SLC30A10: variants seen among roughly 807,000 people sequenced by gnomAD.
The protein encoded by SLC30A10 is calcium/manganese antiporter SLC30A10.
A neutral mutation model predicts 21.7 loss-of-function variants in SLC30A10; 8 were observed. That is an observed-to-expected ratio of 0.37 (90% CI 0.22 to 0.67). SLC30A10 has a LOEUF of 0.67. Ranked by LOEUF, SLC30A10 falls within the 30% of genes least tolerant of loss-of-function variation. SLC30A10 has a pLI of 0.58. For missense variants in SLC30A10, 521 were observed against 642.5 expected, an observed-to-expected ratio of 0.81 and a Z score of 2.04; for synonymous variants, 272 against 279.4, an observed-to-expected ratio of 0.97 and a Z score of 0.26.
At chr1:219,923,456 G>GAA (rs1046392214) in intron 2 of SLC30A10, among the ~76,000 whole-genome samples, 2 of 152,186 alleles carry the variant, frequency 1.3e-5, no homozygotes, top group African/African-American at 4.8e-5. Flanking sequence ...TGAATTTGTT[G>GAA]AATGACTGGA....
chr1:219,916,975 T>TC (rs1659560142), intron 3 of SLC30A10, among the ~76,000 whole-genome samples: 1 of 149,758 alleles, frequency 6.7e-6, no homozygotes, highest in Non-Finnish European at 1.5e-5. Flanking sequence ...GGGGTTTTTT[T>TC]TTTTTTTTTT....
upstream of SLC30A10, chr1:219,928,688 T>G: frequency 2.4e-5 from 10 of 418,584 alleles, no homozygotes; most frequent in Non-Finnish European, 3.7e-5. The surrounding 1 kb of genome is among the most constrained non-coding windows in gnomAD (Gnocchi z 6.3). Context: ...CGCGGCCCTT[T>G]TCCCCTCCCT....
At chr1:219,933,766 T>C (rs940884623) in intron 1 of SLC30A10, among the ~76,000 whole-genome samples, 2 of 152,206 alleles carry the variant, frequency 1.3e-5, no homozygotes, top group Admixed American at 6.5e-5. Context: ...TTAGAGAAAA[T>C]ACACATTTAA....
intron 1 of SLC30A10, among the ~76,000 whole-genome samples, chr1:219,946,941 AT>A (rs1346678387): frequency 2.6e-5 from 4 of 152,160 alleles, no homozygotes; most frequent in African/African-American, 9.7e-5. Flanking sequence ...AGTCCCAACA[AT>A]GTGCTCAACT....
At chr1:219,950,205 T>C (rs879913878) in intron 1 of SLC30A10, among the ~76,000 whole-genome samples, 6 of 152,252 alleles carry the variant, frequency 3.9e-5, no homozygotes, top group Admixed American at 3.9e-4. Context: ...ACATTTGCAT[T>C]ATTTCAATGA....
At chr1:219,947,572 A>G (rs1328864242) in intron 1 of SLC30A10, among the ~76,000 whole-genome samples, 1 of 152,132 alleles carries the variant, frequency 6.6e-6, no homozygotes, top group Non-Finnish European at 1.5e-5. Flanking sequence ...AAAGACACCT[A>G]TTCAGGTGCA....
chr1:219,916,205 G>A (rs1269222964), intron 3 of SLC30A10, among the ~76,000 whole-genome samples: 1 of 152,304 alleles, frequency 6.6e-6, no homozygotes, highest in East Asian at 1.9e-4. Flanking sequence ...GGGTTGCTGA[G>A]TATACAAGGG....
At chr1:219,945,055 GA>G (rs1319066329) in intron 1 of SLC30A10, among the ~76,000 whole-genome samples, 1 of 151,896 alleles carries the variant, frequency 6.6e-6, no homozygotes, top group Non-Finnish European at 1.5e-5. Flanking sequence ...TATGCTGAAA[GA>G]AAAAAAGCCC....
chr1:219,947,456 C>G (rs1274026637), intron 1 of SLC30A10, among the ~76,000 whole-genome samples: 1 of 152,098 alleles, frequency 6.6e-6, no homozygotes, highest in African/African-American at 2.4e-5. Context: ...TCGCTTGAGC[C>G]TGGGAGGTTG....
rs763971239 is a variant in SLC30A10 at position 219,927,868 on chromosome 1, T to C, written c.573A>G (p.Val191=). 7 of 1,545,012 alleles carry C rather than the reference T, an allele frequency of 4.5e-6. No individual in the cohort carries two copies. The South Asian group carries it at 8.4e-5, about 18-fold the overall frequency. The part of the protein sequence containing the change: ...DPTAPGSDSA[V]TLRGTSVERK... ...TTTCCACCGAGGTCCCCCGGAGGGTTACGGCCGAGTCCGAGCCTGGGGCTG... is the reference window on the plus strand; with the variant it reads ...TTTCCACCGAGGTCCCCCGGAGGGTCACGGCCGAGTCCGAGCCTGGGGCTG... Residue 191 remains valine, a synonymous_variant, in exon 1 of 4, where the codon GTA becomes GTG. Coordinates refer to ENST00000366926, the MANE Select transcript of SLC30A10 (RefSeq NM_018713.3).
At chr1:219,920,759 C>A (rs1359601915) in intron 2 of SLC30A10, among the ~76,000 whole-genome samples, 2 of 152,226 alleles carry the variant, frequency 1.3e-5, no homozygotes, top group African/African-American at 4.8e-5. Context: ...GCTGTTGGAA[C>A]TCAAAAGTAT....
chr1:219,940,794 G>A (rs1026972673), intron 1 of SLC30A10, among the ~76,000 whole-genome samples: 5 of 152,184 alleles, frequency 3.3e-5, no homozygotes, highest in African/African-American at 1.2e-4. Context: ...GACAATAATA[G>A]TTTGAGTCCA....
At chr1:219,949,170 T>A (rs1290946760) in intron 1 of SLC30A10, among the ~76,000 whole-genome samples, 1 of 152,232 alleles carries the variant, frequency 6.6e-6, no homozygotes, top group Non-Finnish European at 1.5e-5. Flanking sequence ...GACTGTAAAC[T>A]AGTTCAACCC....
chr1:219,955,467 T>C (rs963878392), intron 1 of SLC30A10, among the ~76,000 whole-genome samples: 7 of 152,174 alleles, frequency 4.6e-5, no homozygotes, highest in Non-Finnish European at 8.8e-5. Context: ...TCGCAGGTTT[T>C]AAAAATTTTC....
intron 1 of SLC30A10, among the ~76,000 whole-genome samples, chr1:219,939,641 G>C (rs1660092582): frequency 6.6e-6 from 1 of 152,130 alleles, no homozygotes; most frequent in South Asian, 2.1e-4. Flanking sequence ...TCTTGGCCAG[G>C]CTGGTCTTGA....
rs1283372598 is a variant in SLC30A10, at chr1:219,910,888, T to A, written c.*4561A>T. Among the ~76,000 whole-genome samples the A allele has an allele frequency of 6.6e-6, 1 of 152,188 alleles. No homozygotes were observed. Among genetic ancestry groups the A allele is most frequent in the Non-Finnish European group, 1.5e-5 (1 of 68,024 alleles). ...AGCACCAGAAAATGACTCGTCTGCA[T>A]TATCTAAACTCCAGATGGGTAAGAA... On this transcript the variant is annotated 3_prime_UTR_variant, in exon 4 of 4. Transcript: ENST00000366926.
intron 3 of SLC30A10, among the ~76,000 whole-genome samples, chr1:219,916,423 A>G (rs1281737655): frequency 6.6e-6 from 1 of 152,262 alleles, no homozygotes; most frequent in Admixed American, 6.5e-5. Flanking sequence ...ACCAACAAGG[A>G]AATAGTTAAA....
chr1:219,921,904 T>TGTGTGAGAGAGAGA (rs1200596880), intron 2 of SLC30A10, among the ~76,000 whole-genome samples: 1 of 84,706 alleles, frequency 1.2e-5, no homozygotes, highest in African/African-American at 5.5e-5. Context: ...TGTGTGTGTG[T>TGTGTGAGAGAGAGA]GAAAGAGAGA....
chr1:219,924,611 G>T (rs1659771238), intron 2 of SLC30A10, among the ~76,000 whole-genome samples: 2 of 152,160 alleles, frequency 1.3e-5, no homozygotes, highest in South Asian at 4.1e-4. Flanking sequence ...AAAGCAGCAG[G>T]AATGATCTCA....
Sources: gnomAD v4.1 joint callset for allele counts (sites outside exome capture counted in the v4.1 genomes callset) on GRCh38, gnomAD v4.1.1 for gene constraint, Gnocchi (gnomAD v3.1) non-coding constraint, MANE v1.5 for transcripts, NCBI Gene and HGNC (gene_info 2026-07-23, HGNC 2026-07-21) for gene names.